Variants in LARP1 observed in about 807,000 individuals in gnomAD.
The protein encoded by LARP1 is la-related protein 1.
LARP1 carries 36 observed loss-of-function variants against 122.7 expected under a neutral mutation model. The observed-to-expected ratio is 0.29, with a 90% CI of 0.22 to 0.39. The LOEUF (loss-of-function observed/expected upper bound fraction) is 0.39, where lower values mean the gene tolerates loss of function less well. Among genes scored for constraint, LARP1 ranks in the 10% least tolerant of loss-of-function variants. The pLI is 1.00. For missense variants in LARP1, 1,040 were observed against 1,403.6 expected, an observed-to-expected ratio of 0.74 and a Z score of 4.14; for synonymous variants, 539 against 528.7, an observed-to-expected ratio of 1.02 and a Z score of -0.27.
rs993248175 is a variant in LARP1 at position 154,772,165 on chromosome 5, T to A, written c.436+15972T>A. 3.9e-5 allele frequency among the ~76,000 whole-genome samples: 6 copies of A among 152,342 alleles called. No individual in the cohort carries two copies. In the East Asian group the frequency reaches 1.2e-3, roughly 29 times the overall value. ...TCTAGACCAGTGCTAGCCACGTAAA[T>A]TAAAATTTTCTAGTAGCCAAAACAG... On this transcript the variant is annotated intron_variant, in intron 1 of 18. Coordinates refer to ENST00000518297, the MANE Select transcript of LARP1 (RefSeq NM_033551.3).
intron 1 of LARP1, among the ~76,000 whole-genome samples, chr5:154,742,699 C>T (rs1320807497): frequency 6.9e-6 from 1 of 145,488 alleles, no homozygotes. Context: ...CACTGTACTC[C>T]AGCCTGGGCA....
rs760976850 is a variant in LARP1 at position 154,799,894 on chromosome 5, G to A, written c.1568G>A (p.Arg523His). ...TTAGAGTCGGCACCTGGCTCTCCTC[G>A]TGCAGTCACCCCAGTGCCAACCAAA... ...KETESAPGSP[R>H]AVTPVPTKTE... Residue 523 changes from arginine to histidine, a missense_variant, in exon 10 of 19, where the codon CGT (arginine) becomes CAT (histidine). Arg to His is a conservative substitution (Grantham distance 29). Coordinates refer to ENST00000518297, the MANE Select transcript of LARP1 (RefSeq NM_033551.3). 5.0e-6 allele frequency: 8 copies of A among 1,613,856 alleles called. No homozygotes were observed. Among genetic ancestry groups the A allele is most frequent in the South Asian group, 4.4e-5 (4 of 91,072 alleles).
chr5:154,742,530 G>T (rs1488524626), intron 1 of LARP1, among the ~76,000 whole-genome samples: 1 of 152,116 alleles, frequency 6.6e-6, no homozygotes, highest in East Asian at 1.9e-4. Flanking sequence ...CTGCACTGTT[G>T]TTGGAACAGA....
At chr5:154,731,568 C>T (rs1233078) in intron 1 of LARP1, among the ~76,000 whole-genome samples, 50,824 of 151,932 alleles carry the variant, frequency 0.33, 9,503 homozygotes, top group East Asian at 0.81. Flanking sequence ...TCATTAGCAG[C>T]TCACATTTCT....
chr5:154,809,344 C>T (rs1284044409), intron 16 of LARP1, among the ~76,000 whole-genome samples: 1 of 132,956 alleles, frequency 7.5e-6, no homozygotes, highest in Non-Finnish European at 1.6e-5. Flanking sequence ...CCTCCCCACA[C>T]CCCCACCCCC....
At chr5:154,735,580 T>TA (rs202213743) in intron 1 of LARP1, among the ~76,000 whole-genome samples, 4 of 150,478 alleles carry the variant, frequency 2.7e-5, no homozygotes, top group Admixed American at 6.6e-5. Flanking sequence ...TTTATTTATT[T>TA]TTTCTGAGAT....
chr5:154,786,546 C>G (rs539449609), intron 1 of LARP1: 44 of 454,626 alleles, frequency 9.7e-5, no homozygotes, highest in African/African-American at 7.6e-4. Context: ...TGCCATCCAC[C>G]CTGCTACAGT....
At chr5:154,701,622 CTT>C (rs70981938) in intron 1 of LARP1, among the ~76,000 whole-genome samples, 24 of 135,382 alleles carry the variant, frequency 1.8e-4, no homozygotes, top group Admixed American at 3.7e-4. Context: ...GGGAAACTTT[CTT>C]TTTTTTTTTT....
intron 1 of LARP1, among the ~76,000 whole-genome samples, chr5:154,775,957 T>G (rs550814819): frequency 6.6e-6 from 1 of 152,336 alleles, no homozygotes; most frequent in Non-Finnish European, 1.5e-5. Context: ...GCAGGAGGCC[T>G]GGCTTCCTGA....
intron 1 of LARP1, among the ~76,000 whole-genome samples, chr5:154,701,471 C>T (rs771771874): frequency 2.0e-5 from 3 of 152,132 alleles, no homozygotes; most frequent in Non-Finnish European, 2.9e-5. Flanking sequence ...AGAGCTGACT[C>T]CAGCCCATAG....
At chr5:154,715,673 T>G (rs1158206869) in intron 1 of LARP1, among the ~76,000 whole-genome samples, 2 of 152,114 alleles carry the variant, frequency 1.3e-5, no homozygotes, top group Non-Finnish European at 1.5e-5. Flanking sequence ...TGTGCGAATA[T>G]TTTTTGAGTG....
chr5:154,770,475 T>TGTCCCTGGCTCCCTCCCTGCCC (rs1755309913), intron 1 of LARP1, among the ~76,000 whole-genome samples: 2 of 152,036 alleles, frequency 1.3e-5, no homozygotes, highest in Non-Finnish European at 1.5e-5. Context: ...TCTCCCGGCC[T>TGTCCCTGGCTCCCTCCCTGCCC]GTCCCTGGCT....
At chr5:154,721,410 G>A (rs571468448) in intron 1 of LARP1, among the ~76,000 whole-genome samples, 6 of 151,710 alleles carry the variant, frequency 4.0e-5, no homozygotes, top group Non-Finnish European at 5.9e-5. Context: ...TGTTGAAAAC[G>A]TTCATGTGGC....
At chr5:154,806,108 G>A (rs376663574) in intron 15 of LARP1, 76 bp downstream of exon 15, 21 of 1,448,884 alleles carry the variant, frequency 1.4e-5, no homozygotes, top group East Asian at 9.6e-5. Flanking sequence ...TGGGGGATAC[G>A]GGGATAGGTG....
intron 16 of LARP1, 82 bp from the exon 17 acceptor site, chr5:154,811,165 C>A: frequency 9.9e-7 from 1 of 1,005,028 alleles, no homozygotes; most frequent in South Asian, 1.4e-5. Context: ...TAAACTGTTT[C>A]ATAGTTCCTC....
chr5:154,807,978 A>G (rs936663704), intron 15 of LARP1, among the ~76,000 whole-genome samples: 1 of 152,162 alleles, frequency 6.6e-6, no homozygotes, highest in Non-Finnish European at 1.5e-5. Flanking sequence ...TTGATGCACA[A>G]AATTTTTTTG....
At chr5:154,710,051 G>A (rs1025383694), upstream of LARP1, among the ~76,000 whole-genome samples, 2 of 152,074 alleles carry the variant, frequency 1.3e-5, no homozygotes, top group African/African-American at 2.4e-5. Flanking sequence ...TAATGCTGCC[G>A]TTGATCTGAC....
intron 1 of LARP1, among the ~76,000 whole-genome samples, chr5:154,772,211 C>G (rs756300014): frequency 7.3e-6 from 1 of 137,530 alleles, no homozygotes; most frequent in Non-Finnish European, 1.5e-5. Context: ...TTTTAATAAT[C>G]TAATATATTC....
intron 8 of LARP1, among the ~76,000 whole-genome samples, chr5:154,796,138 A>G (rs1399837631): frequency 2.4e-5 from 3 of 125,198 alleles, no homozygotes; most frequent in Non-Finnish European, 4.7e-5. Context: ...TATTTTATAT[A>G]TTTATATATT....
Sources: gnomAD v4.1 joint callset for allele counts (sites outside exome capture counted in the v4.1 genomes callset) on GRCh38, gnomAD v4.1.1 for gene constraint, MANE v1.5 for transcripts, NCBI Gene and HGNC (gene_info 2026-07-23, HGNC 2026-07-21) for gene names.